Variants in STRA8 observed in about 807,000 individuals in gnomAD.
The protein encoded by STRA8 is stimulated by retinoic acid gene 8 protein homolog.
A neutral mutation model predicts 37.1 loss-of-function variants in STRA8; 18 were observed. The ratio of observed to expected loss-of-function variants is 0.48; its 90% CI spans 0.34 to 0.72. The LOEUF is 0.72. Among genes scored for constraint, STRA8 ranks in the 30% least tolerant of loss-of-function variants. The probability of loss-of-function intolerance (pLI) is 0.01; values close to 1 mark genes in which losing one functional copy is unlikely to be tolerated. For missense variants in STRA8, 357 were observed against 410.4 expected (o/e 0.87, Z 1.13); for synonymous variants, 168 against 162.9 (o/e 1.03, Z -0.24).
chr7:135,238,345 A>G (rs1832409885), intron 1 of STRA8, among the ~76,000 whole-genome samples: 1 of 152,160 alleles, frequency 6.6e-6, no homozygotes, highest in African/African-American at 2.4e-5. Context: ...GGCGGCTCCT[A>G]GAGGCGACTG....
chr7:135,250,524 G>A (rs1211334331), intron 6 of STRA8, among the ~76,000 whole-genome samples: 2 of 152,132 alleles, frequency 1.3e-5, no homozygotes, highest in Non-Finnish European at 2.9e-5. Context: ...AGTCCCAAGG[G>A]ATTCAGTTCC....
chr7:135,250,222 A>G (rs1832617892), intron 6 of STRA8, among the ~76,000 whole-genome samples: 1 of 152,156 alleles, frequency 6.6e-6, no homozygotes, highest in Non-Finnish European at 1.5e-5. Context: ...AAGGCTGTGG[A>G]GCCTGGTCTG....
rs1030979211 is a variant in STRA8 at position 135,243,234 on chromosome 7, C to T, written c.269-92C>T. ...GCTGACCCTGGAGGGTTCAGGGTCC[C>T]ACCCACAGCCCACCTGGGCCAGAAG... On this transcript the variant is annotated intron_variant, in intron 3 of 8. Transcript: ENST00000662584. 3.2e-5 allele frequency: 44 copies of T among 1,376,718 alleles called. No individual in the cohort carries two copies. In the African/African-American group the frequency reaches 5.7e-4, roughly 18 times the overall value. 85.3% of individuals were successfully genotyped at this position (1,376,718 alleles called of 1,614,324 possible).
Position 135,246,897 on chromosome 7 carries a change from T to G in STRA8, c.879+195T>G, listed in dbSNP as rs904013935. 1 of 588,816 alleles carries G rather than the reference T, an allele frequency of 1.7e-6. No individual in the cohort carries two copies. Among genetic ancestry groups the G allele is most frequent in the Non-Finnish European group, 2.8e-6 (1 of 356,430 alleles). 36.5% of individuals were successfully genotyped at this position (588,816 alleles called of 1,614,324 possible). On this transcript the variant is annotated intron_variant, in intron 6 of 8. Coordinates refer to ENST00000662584, the MANE Select transcript of STRA8 (RefSeq NM_001394401.1). This position sits in a 1 kb window ranked among gnomAD's most constrained non-coding sequence, Gnocchi z 5.4. ...TCTCGCTCTGTCGCCCAGGCTGGAG[T>G]GCAGTGGCGCGATCTCGGCTCACTG...
chr7:135,252,017 T>A (rs945619402), intron 7 of STRA8, 148 bp downstream of exon 7: 119 of 620,034 alleles, frequency 1.9e-4, no homozygotes, highest in South Asian at 9.0e-4. Flanking sequence ...AGAGAGAGTG[T>A]GTGTGTGTGT....
Position 135,234,093 on chromosome 7 carries a change from TGA to T in STRA8, c.-7+191_-7+192del, listed in dbSNP as rs1562967291. ...GAGTGATTCTGGATGATGATGATGA[TGA>T]TGATGATGATTATTATTATTATCAT... is the stretch of plus-strand genomic sequence containing the variant. On this transcript the variant is annotated intron_variant, in intron 1 of 8. Coordinates refer to ENST00000662584, the MANE Select transcript of STRA8 (RefSeq NM_001394401.1). Among the ~76,000 whole-genome samples the T allele has an allele frequency of 3.2e-3, 479 of 149,522 alleles. 1 individual carries two copies. Among genetic ancestry groups the T allele is most frequent in the African/African-American group, 7.8e-3 (312 of 40,216 alleles).
At chr7:135,233,526 T>C (rs796324568), upstream of STRA8, among the ~76,000 whole-genome samples, 4 of 152,224 alleles carry the variant, frequency 2.6e-5, no homozygotes, top group African/African-American at 9.6e-5. Flanking sequence ...GGAGGGCATC[T>C]ACTTAGTCCT....
intron 8 of STRA8, 107 bp downstream of exon 8, chr7:135,255,332 G>A (rs959084812): frequency 2.7e-5 from 21 of 783,758 alleles, no homozygotes; most frequent in Non-Finnish European, 4.5e-5. Context: ...ATACCATGAG[G>A]AGCCACTGGG....
At chr7:135,233,635 G>T (rs1562967119), upstream of STRA8, among the ~76,000 whole-genome samples, 2 of 151,076 alleles carry the variant, frequency 1.3e-5, no homozygotes, top group African/African-American at 4.9e-5. Flanking sequence ...AGTCAGCCCC[G>T]CCCCTCCCTC....
At chr7:135,237,496 C>T (rs960103641) in intron 1 of STRA8, among the ~76,000 whole-genome samples, 3 of 152,184 alleles carry the variant, frequency 2.0e-5, no homozygotes, top group African/African-American at 7.2e-5. Context: ...CCCTCCTCTC[C>T]CCATCCTAGA....
At chr7:135,257,068 C>G (rs1249201159) in intron 8 of STRA8, among the ~76,000 whole-genome samples, 1 of 152,224 alleles carries the variant, frequency 6.6e-6, no homozygotes, top group East Asian at 1.9e-4. Flanking sequence ...ACCTCCCTGA[C>G]ACTCTTGATC....
At chr7:135,244,580 C>T (rs73725281) in intron 4 of STRA8, among the ~76,000 whole-genome samples, 3,937 of 152,268 alleles carry the variant, frequency 0.026, 169 homozygotes, top group African/African-American at 0.09. Context: ...TTTTTTCATG[C>T]TATTGTAAAT....
At chr7:135,257,157 G>T (rs980551461) in intron 8 of STRA8, among the ~76,000 whole-genome samples, 2 of 152,182 alleles carry the variant, frequency 1.3e-5, no homozygotes, top group African/African-American at 4.8e-5. Context: ...AGTTTGTGGA[G>T]GTCGTCCCCA....
At chr7:135,242,434 G>A (rs1163426895) in intron 2 of STRA8, among the ~76,000 whole-genome samples, 1 of 152,168 alleles carries the variant, frequency 6.6e-6, no homozygotes, top group South Asian at 2.1e-4. Context: ...GCAAGCCTGG[G>A]GTTGACGTTC....
Position 135,240,540 on chromosome 7 carries a change from G to A in STRA8, c.16G>A (p.Glu6Lys). 1 of 1,613,648 alleles carries A rather than the reference G, an allele frequency of 6.2e-7. No individual in the cohort carries two copies. The highest frequency in any genetic ancestry group is 8.5e-7 in the Non-Finnish European group (1 of 1,179,986). ...ACAGCTTATAATGGCAACCCCTGAA[G>A]AAAACAGCAATCCCCATGACAGAGC... MATPE[E>K]NSNPHDRATP... Residue 6 changes from glutamate (E) to lysine (K), a missense_variant, in exon 2 of 9, where the codon GAA becomes AAA. Glu to Lys is a moderately conservative substitution (Grantham distance 56, BLOSUM62 1). Coordinates refer to ENST00000662584, the MANE Select transcript of STRA8 (RefSeq NM_001394401.1).
intron 6 of STRA8, among the ~76,000 whole-genome samples, chr7:135,249,776 C>A (rs984681966): frequency 1.3e-5 from 2 of 152,224 alleles, no homozygotes; most frequent in Non-Finnish European, 2.9e-5. Context: ...ACGAACACTT[C>A]CCCAGGAAGA....
At chr7:135,250,296 G>A (rs1056133799) in intron 6 of STRA8, among the ~76,000 whole-genome samples, 4 of 152,172 alleles carry the variant, frequency 2.6e-5, no homozygotes, top group South Asian at 2.1e-4. Context: ...TGTGGCCTGC[G>A]ACTTTGGTGG....
chr7:135,250,510 C>A (rs1237258293), intron 6 of STRA8, among the ~76,000 whole-genome samples: 1 of 151,946 alleles, frequency 6.6e-6, no homozygotes, highest in Non-Finnish European at 1.5e-5. Flanking sequence ...AAGAGAGGGG[C>A]CAGAGTCCCA....
At position 135,246,600 on chromosome 7, in the gene STRA8, G is replaced by A; in HGVS notation, c.777G>A (p.Leu259=). The change falls in exon 6 of 9, where the codon CTG becomes CTA. Residue 259 remains leucine (L), a synonymous_variant. Transcript: ENST00000662584. The surrounding 1 kb of genome is among the most constrained non-coding windows in gnomAD (Gnocchi z 5.4). ...AGAAGCACCGCGGCCCTGCGACCCT[G>A]GCGGAGGCCTGCCGAGAGCCGGCCT... The part of the protein sequence containing the change: ...WAQKHRGPAT[L]AEACREPACA... 3 of 1,539,386 alleles carry A rather than the reference G, an allele frequency of 1.9e-6. No homozygotes were observed. Among genetic ancestry groups the A allele is most frequent in the South Asian group, 1.2e-5 (1 of 83,898 alleles).
Sources: gnomAD v4.1 joint callset for allele counts (sites outside exome capture counted in the v4.1 genomes callset) on GRCh38, gnomAD v4.1.1 for gene constraint, Gnocchi (gnomAD v3.1) non-coding constraint, MANE v1.5 for transcripts, NCBI Gene and HGNC (gene_info 2026-07-23, HGNC 2026-07-21) for gene names.